PCCA: variants seen among roughly 807,000 people sequenced by gnomAD.
PCCA encodes propionyl-CoA carboxylase alpha chain, mitochondrial.
In PCCA, 74 loss-of-function variants were observed where a neutral mutation model predicts 101.3. The observed-to-expected ratio is 0.73, with a 90% CI of 0.61 to 0.89. The LOEUF is 0.89. Among genes scored for constraint, PCCA ranks in the 40% least tolerant of loss-of-function variants. The pLI, the probability that PCCA is intolerant of heterozygous loss-of-function variation, is 0.00. For synonymous variants in PCCA, 294 were observed against 313.6 expected, an observed-to-expected ratio of 0.94 and a Z score of 0.66; for missense variants, 891 against 907.0, an observed-to-expected ratio of 0.98 and a Z score of 0.23.
chr13:100,301,457 C>A lies in PCCA; in HGVS notation c.1066-3C>A. On this transcript the variant is annotated splice_region_variant and splice_polypyrimidine_tract_variant and intron_variant, in intron 12 of 23. Transcript: ENST00000376285. ...TACTGACTGGCAGACCTTGGCCTTG[C>A]AGGTTGAGCATCCTGTCACAGAATG... is the stretch of plus-strand genomic sequence containing the variant. The A allele has an allele frequency of 6.2e-7, 1 of 1,614,002 alleles. No homozygotes were observed. Among genetic ancestry groups the A allele is most frequent in the South Asian group, 1.1e-5 (1 of 91,084 alleles).
intron 12 of PCCA, among the ~76,000 whole-genome samples, chr13:100,300,731 G>A (rs1219848519): frequency 6.6e-6 from 1 of 152,218 alleles, no homozygotes; most frequent in Non-Finnish European, 1.5e-5. Flanking sequence ...ATGTATCCCT[G>A]TTTGTGTACC....
chr13:100,221,918 G>A (rs931830820), intron 7 of PCCA, among the ~76,000 whole-genome samples: 1 of 151,750 alleles, frequency 6.6e-6, no homozygotes, highest in African/African-American at 2.4e-5. Context: ...TGCATTTTTA[G>A]TAGAGACAGG....
intron 7 of PCCA, among the ~76,000 whole-genome samples, chr13:100,221,745 A>ATT (rs1227885076): frequency 2.6e-5 from 3 of 115,516 alleles, no homozygotes; most frequent in Admixed American, 9.0e-5. Context: ...TTCCCTGGGA[A>ATT]ATTTTTTTTT....
chr13:100,427,826 C>T (rs187418264), intron 20 of PCCA, among the ~76,000 whole-genome samples: 2 of 151,736 alleles, frequency 1.3e-5, no homozygotes, highest in Admixed American at 1.3e-4. Flanking sequence ...CGACTCTTTC[C>T]AAAAATGTAA....
intron 22 of PCCA, among the ~76,000 whole-genome samples, chr13:100,521,005 C>T (rs2087242043): frequency 6.6e-6 from 1 of 152,184 alleles, no homozygotes; most frequent in Admixed American, 6.5e-5. Flanking sequence ...CATCCTTTCA[C>T]GGAGCGCTTT....
chr13:100,293,930 C>T (rs1372076818), intron 12 of PCCA, among the ~76,000 whole-genome samples: 1 of 152,134 alleles, frequency 6.6e-6, no homozygotes. Context: ...GAGTTCTGGA[C>T]TCTTTTTATC....
intron 12 of PCCA, 150 bp from the exon 13 acceptor site, chr13:100,301,310 C>A: frequency 4.1e-6 from 3 of 739,378 alleles, no homozygotes; most frequent in Non-Finnish European, 6.9e-6. Flanking sequence ...TCATTTTATT[C>A]CCCTAGCTCA....
At chr13:100,151,236 C>T (rs939832182) in intron 4 of PCCA, 2 of 589,954 alleles carry the variant, frequency 3.4e-6, no homozygotes, top group Non-Finnish European at 5.9e-6. Flanking sequence ...AAATTAGGCT[C>T]ATACGGGTAA....
At chr13:100,507,049 A>G (rs994323411) in intron 21 of PCCA, among the ~76,000 whole-genome samples, 1 of 152,246 alleles carries the variant, frequency 6.6e-6, no homozygotes, top group Non-Finnish European at 1.5e-5. Flanking sequence ...TGTACTGTTA[A>G]CAGGTGTTGG....
chr13:100,487,422 A>G (rs1402427417), intron 21 of PCCA, among the ~76,000 whole-genome samples: 1 of 152,238 alleles, frequency 6.6e-6, no homozygotes, highest in African/African-American at 2.4e-5. Context: ...TTAAGACTTT[A>G]AGATTATTGA....
At chr13:100,148,104 T>G (rs553965968) in intron 4 of PCCA, among the ~76,000 whole-genome samples, 1 of 152,134 alleles carries the variant, frequency 6.6e-6, no homozygotes, top group South Asian at 2.1e-4. Context: ...TTTTATTTTT[T>G]ATTTTTTGAG....
intron 18 of PCCA, among the ~76,000 whole-genome samples, chr13:100,342,748 T>C (rs545564318): frequency 6.8e-6 from 1 of 147,720 alleles, no homozygotes; most frequent in African/African-American, 2.5e-5. Context: ...AGAGATGAAG[T>C]CTTGCTTTTG....
chr13:100,237,731 A>T (rs184795909), intron 8 of PCCA, among the ~76,000 whole-genome samples: 3 of 152,082 alleles, frequency 2.0e-5, no homozygotes, highest in African/African-American at 7.2e-5. Flanking sequence ...TACTGTTATT[A>T]TTATTATTAC....
At chr13:100,499,893 A>G (rs1308495072) in intron 21 of PCCA, among the ~76,000 whole-genome samples, 1 of 145,956 alleles carries the variant, frequency 6.9e-6, no homozygotes, top group Non-Finnish European at 1.5e-5. Context: ...TGGAGGTGCT[A>G]GCATTTTATT....
At chr13:100,267,485 A>G (rs931276350) in intron 10 of PCCA, among the ~76,000 whole-genome samples, 2 of 152,218 alleles carry the variant, frequency 1.3e-5, no homozygotes, top group African/African-American at 2.4e-5. Context: ...CAGAAGCCAT[A>G]TCAAATATTA....
intron 6 of PCCA, among the ~76,000 whole-genome samples, chr13:100,176,764 A>G (rs2056272706): frequency 6.6e-6 from 1 of 152,232 alleles, no homozygotes; most frequent in Admixed American, 6.5e-5. Flanking sequence ...TCTTTATATT[A>G]GTTTTTTTAA....
chr13:100,407,480 A>G (rs2077753717), intron 19 of PCCA, among the ~76,000 whole-genome samples: 1 of 152,234 alleles, frequency 6.6e-6, no homozygotes, highest in African/African-American at 2.4e-5. Flanking sequence ...TAAATAAGTA[A>G]AAACCTTTTA....
chr13:100,184,519 T>G (rs967039957), intron 6 of PCCA, among the ~76,000 whole-genome samples: 9 of 152,228 alleles, frequency 5.9e-5, no homozygotes, highest in South Asian at 2.1e-4. Context: ...TCGTACGCCC[T>G]TTCATCATAT....
intron 4 of PCCA, among the ~76,000 whole-genome samples, chr13:100,137,804 C>CTTTTTT (rs34819598): frequency 1.4e-5 from 2 of 144,370 alleles, no homozygotes; most frequent in Non-Finnish European, 1.5e-5. Context: ...ATGTTTAAGT[C>CTTTTTT]TTTTTTTTTT....
Sources: allele counts gnomAD v4.1 joint callset (sites outside exome capture counted in the v4.1 genomes callset), GRCh38; gene constraint gnomAD v4.1.1; transcripts MANE v1.5; gene names NCBI Gene and HGNC (gene_info 2026-07-23, HGNC 2026-07-21).